EPB41L2: variants seen among roughly 807,000 people sequenced by gnomAD.
EPB41L2 encodes erythrocyte membrane protein band 4.1 like 2.
Under a neutral mutation model 113.0 loss-of-function variants are expected in EPB41L2, and 43 were observed. The observed-to-expected ratio is 0.38, with a 90% confidence interval of 0.30 to 0.49. The LOEUF is 0.49. Ranked by LOEUF, EPB41L2 falls within the 20% of genes least tolerant of loss-of-function variation. The pLI is 0.95. For missense variants in EPB41L2, 1,147 were observed against 1,223.4 expected, an observed-to-expected ratio of 0.94 and a Z score of 0.93; for synonymous variants, 442 against 436.7, an observed-to-expected ratio of 1.01 and a Z score of -0.15.
At chr6:130,965,751 G>T (rs1774970882) in intron 1 of EPB41L2, among the ~76,000 whole-genome samples, 1 of 151,994 alleles carries the variant, frequency 6.6e-6, no homozygotes. Context: ...ATTCAGAATG[G>T]AGACATCCAA....
At chr6:130,840,726 T>A (rs1440229247) in intron 19 of EPB41L2, 128 bp from the exon 20 acceptor site, 3 of 152,094 alleles carry the variant, frequency 2.0e-5, no homozygotes, top group Admixed American at 6.6e-5. Flanking sequence ...TGCCTAGTCT[T>A]ACATTAAATA....
At chr6:130,892,978 GATC>G (rs1381125291) in intron 10 of EPB41L2, among the ~76,000 whole-genome samples, 1 of 152,012 alleles carries the variant, frequency 6.6e-6, no homozygotes, top group Non-Finnish European at 1.5e-5. Flanking sequence ...AAAGATGAAG[GATC>G]TAGATACACA....
At chr6:130,980,081 C>T (rs1779047367) in intron 1 of EPB41L2, among the ~76,000 whole-genome samples, 1 of 152,054 alleles carries the variant, frequency 6.6e-6, no homozygotes, top group Non-Finnish European at 1.5e-5. Flanking sequence ...CCAACAGGGG[C>T]AAGGGCAGAT....
chr6:130,924,161 T>G (rs576445356), intron 4 of EPB41L2, among the ~76,000 whole-genome samples: 233 of 152,366 alleles, frequency 1.5e-3, no homozygotes, highest in African/African-American at 5.2e-3. Context: ...GATTTCCTTC[T>G]TTCTCAAGGC....
At chr6:130,992,259 T>C (rs1782054180) in intron 1 of EPB41L2, among the ~76,000 whole-genome samples, 1 of 152,166 alleles carries the variant, frequency 6.6e-6, no homozygotes, top group Non-Finnish European at 1.5e-5. Flanking sequence ...TGGTTCAGTA[T>C]GAAAAATTTA....
chr6:130,857,363 A>T (rs911369085), intron 19 of EPB41L2, among the ~76,000 whole-genome samples: 2 of 152,142 alleles, frequency 1.3e-5, no homozygotes, highest in East Asian at 3.9e-4. Flanking sequence ...AAGTGTTTAA[A>T]TTTTCTTAAT....
At chr6:130,911,004 A>C (rs1799215888) in intron 4 of EPB41L2, among the ~76,000 whole-genome samples, 1 of 152,172 alleles carries the variant, frequency 6.6e-6, no homozygotes, top group South Asian at 2.1e-4. Context: ...ACACCATTTG[A>C]CCCAGCCATC....
intron 1 of EPB41L2, among the ~76,000 whole-genome samples, chr6:131,045,545 T>C (rs1417287466): frequency 6.6e-6 from 1 of 151,340 alleles, no homozygotes; most frequent in Non-Finnish European, 1.5e-5. Context: ...AACAGGAAAA[T>C]TGAAAGGATA....
intron 1 of EPB41L2, among the ~76,000 whole-genome samples, chr6:131,024,501 G>A (rs1171230690): frequency 1.3e-5 from 2 of 152,156 alleles, no homozygotes; most frequent in African/African-American, 4.8e-5. Flanking sequence ...TGACAGAAAT[G>A]AGGAGCACAA....
chr6:131,004,248 A>G (rs554640960), intron 1 of EPB41L2, among the ~76,000 whole-genome samples: 3 of 152,294 alleles, frequency 2.0e-5, no homozygotes, highest in African/African-American at 7.2e-5. Context: ...TGATTGAAGA[A>G]GGGGTGGGCA....
chr6:130,979,351 C>CA lies in EPB41L2; in HGVS notation c.-14-22853dup, dbSNP rs199954481. 6.6e-3 allele frequency among the ~76,000 whole-genome samples: 1,000 copies of CA among 150,704 alleles called. 18 individuals carry two copies. Among genetic ancestry groups the CA allele is most frequent in the African/African-American group, 0.023 (960 of 41,090 alleles). Reference sequence around the variant, plus strand: ...AAATATAAAAATTAGCCTAAAAATACAAAAAAAGTGGCACACGCCTGTAAT... The same window carrying CA: ...AAATATAAAAATTAGCCTAAAAATACAAAAAAAAGTGGCACACGCCTGTAAT... On this transcript the variant is annotated intron_variant, in intron 1 of 19. Transcript: ENST00000337057.
chr6:130,990,312 C>G (rs1398315097), intron 1 of EPB41L2, among the ~76,000 whole-genome samples: 1 of 150,826 alleles, frequency 6.6e-6, no homozygotes, highest in Admixed American at 6.6e-5. Context: ...CAAAGCAAGA[C>G]TCTGTCTCAA....
intron 19 of EPB41L2, among the ~76,000 whole-genome samples, chr6:130,855,885 G>T (rs1197025892): frequency 6.6e-6 from 1 of 151,732 alleles, no homozygotes; most frequent in Non-Finnish European, 1.5e-5. Flanking sequence ...GGGGGGAGGG[G>T]GTGCAGGGGG....
chr6:130,882,612 G>C (rs1008919191), intron 12 of EPB41L2: 3 of 152,756 alleles, frequency 2.0e-5, no homozygotes, highest in Non-Finnish European at 2.9e-5. Flanking sequence ...CAGAGGGATA[G>C]AGCCAGAGGA....
intron 10 of EPB41L2, among the ~76,000 whole-genome samples, chr6:130,893,099 T>C (rs779683796): frequency 3.3e-5 from 5 of 152,168 alleles, no homozygotes; most frequent in African/African-American, 4.8e-5. Context: ...AGAGACAAGA[T>C]ACAAGCTAAA....
At chr6:130,909,559 T>C (rs1239075573) in intron 4 of EPB41L2, among the ~76,000 whole-genome samples, 1 of 152,170 alleles carries the variant, frequency 6.6e-6, no homozygotes. Flanking sequence ...GAGAAACAAA[T>C]AAAGGGTATT....
Position 130,990,865 on chromosome 6 carries a change from C to T in EPB41L2, c.-14-34366G>A, listed in dbSNP as rs146034418. On this transcript the variant is annotated intron_variant, in intron 1 of 19. Transcript: ENST00000337057. ...TTTTTGAGGTGGAGTCTCGCTCTGC[C>T]GCCCAGGCTGGAGTGCAGTGGCATG... is the stretch of plus-strand genomic sequence containing the variant. 5.0e-3 allele frequency among the ~76,000 whole-genome samples: 744 copies of T among 150,028 alleles called. 17 individuals carry two copies. The highest frequency in any genetic ancestry group is 0.019 in the East Asian group (98 of 5,104).
chr6:130,880,389 C>T lies in EPB41L2; in HGVS notation c.1834-183G>A, dbSNP rs1343027627. The T allele has an allele frequency of 9.7e-6, 6 of 617,506 alleles. No individual in the cohort carries two copies. In the East Asian group the frequency reaches 1.4e-4, roughly 14 times the overall value. The allele number at this position is 617,506 out of a possible 1,614,324, so 38.3% of individuals were successfully genotyped here. On this transcript the variant is annotated intron_variant, in intron 12 of 19. Transcript: ENST00000337057. ...CAAATAAACCCTGAGAGTGGACCCT[C>T]CCCACACAATACTAATGGCAGGCAG...
intron 8 of EPB41L2, among the ~76,000 whole-genome samples, chr6:130,898,389 T>C (rs1043610799): frequency 6.6e-6 from 1 of 152,172 alleles, no homozygotes; most frequent in African/African-American, 2.4e-5. Flanking sequence ...TCAAATCATA[T>C]AATCTGGGCT....
Sources: allele counts gnomAD v4.1 joint callset (sites outside exome capture counted in the v4.1 genomes callset), GRCh38; gene constraint gnomAD v4.1.1; transcripts MANE v1.5; gene names NCBI Gene and HGNC (gene_info 2026-07-23, HGNC 2026-07-21).